Variants in MIGA1 observed in about 807,000 individuals in gnomAD.
The protein encoded by MIGA1 is family with sequence similarity 73, member A.
In MIGA1, 58 loss-of-function variants were observed where a neutral mutation model predicts 82.0. The ratio of observed to expected loss-of-function variants is 0.71; its 90% CI spans 0.57 to 0.88. MIGA1 has a LOEUF of 0.88. Ranked by LOEUF, MIGA1 falls within the 40% of genes least tolerant of loss-of-function variation. The pLI is 0.00. For missense variants in MIGA1, 751 were observed against 749.1 expected (o/e 1.00, Z -0.03); for synonymous variants, 249 against 253.6 (o/e 0.98, Z 0.17).
intron 2 of MIGA1, among the ~76,000 whole-genome samples, chr1:77,784,718 G>GC (rs1682070354): frequency 6.6e-6 from 1 of 152,150 alleles, no homozygotes; most frequent in Non-Finnish European, 1.5e-5. Flanking sequence ...CCGTTTTCAT[G>GC]CTGCTGATAA....
chr1:77,794,429 A>G (rs1682569664), intron 2 of MIGA1, among the ~76,000 whole-genome samples: 1 of 152,114 alleles, frequency 6.6e-6, no homozygotes, highest in Non-Finnish European at 1.5e-5. Context: ...CTGCTTTTGA[A>G]ATATATAGGA....
intron 14 of MIGA1, among the ~76,000 whole-genome samples, chr1:77,871,426 C>A (rs538326568): frequency 1.3e-5 from 2 of 151,472 alleles, no homozygotes; most frequent in African/African-American, 4.9e-5. Context: ...TGCTTGAACC[C>A]GGGAGGCAGA....
At chr1:77,859,429 C>T (rs746416235) in intron 10 of MIGA1, 43 bp downstream of exon 10, 4 of 1,334,396 alleles carry the variant, frequency 3.0e-6, no homozygotes, top group Non-Finnish European at 4.3e-6. Context: ...CCACTCATCC[C>T]CACCCTCATG....
chr1:77,806,183 A>G (rs1472975692), intron 4 of MIGA1, among the ~76,000 whole-genome samples: 2 of 152,214 alleles, frequency 1.3e-5, no homozygotes, highest in Non-Finnish European at 2.9e-5. Context: ...CTCCTAGGCT[A>G]CAAACCTGTA....
intron 4 of MIGA1, 150 bp downstream of exon 4, chr1:77,803,556 C>A: frequency 2.5e-6 from 1 of 397,156 alleles, no homozygotes; most frequent in Admixed American, 4.5e-5. Flanking sequence ...AGTAAAATAC[C>A]TTTTTGCTGA....
At chr1:77,847,650 G>T (rs1000611619) in intron 8 of MIGA1, 7 of 1,568,524 alleles carry the variant, frequency 4.5e-6, no homozygotes, top group Non-Finnish European at 6.1e-6. Context: ...AGCGTGTTTG[G>T]ATGTAACCAA....
chr1:77,837,331 T>C (rs1684470217), intron 7 of MIGA1, among the ~76,000 whole-genome samples: 2 of 152,230 alleles, frequency 1.3e-5, no homozygotes, highest in Admixed American at 6.5e-5. Context: ...TCTCATTTCA[T>C]GTGTTTAATA....
At chr1:77,838,784 G>A (rs979778054) in intron 7 of MIGA1, among the ~76,000 whole-genome samples, 2 of 152,134 alleles carry the variant, frequency 1.3e-5, no homozygotes, top group Non-Finnish European at 2.9e-5. Context: ...ATCACTAAGT[G>A]TGTTTAGTTT....
intron 8 of MIGA1, among the ~76,000 whole-genome samples, chr1:77,852,594 G>A (rs1488214472): frequency 6.6e-6 from 1 of 152,156 alleles, no homozygotes; most frequent in Non-Finnish European, 1.5e-5. Context: ...CTGGAATAAT[G>A]TGCCTGGGTT....
At chr1:77,846,896 G>C (rs550325484) in intron 8 of MIGA1, among the ~76,000 whole-genome samples, 49 of 152,206 alleles carry the variant, frequency 3.2e-4, no homozygotes, top group Non-Finnish European at 5.9e-5. Context: ...GCAATGAACT[G>C]AGATTGCGCC....
intron 12 of MIGA1, chr1:77,861,546 T>TC: frequency 2.2e-6 from 1 of 445,152 alleles, no homozygotes; most frequent in East Asian, 4.2e-5. Context: ...GCTCCTTGCT[T>TC]CCTTCCCTCC....
At chr1:77,869,939 A>T (rs1272526520) in intron 14 of MIGA1, among the ~76,000 whole-genome samples, 3 of 113,224 alleles carry the variant, frequency 2.6e-5, no homozygotes, top group East Asian at 2.8e-4. Flanking sequence ...TCCCTCCCGG[A>T]CGGGGCGGCT....
chr1:77,779,961 G>C (rs1681828278), intron 1 of MIGA1: 6 of 1,348,574 alleles, frequency 4.4e-6, no homozygotes, highest in Non-Finnish European at 9.5e-7. Flanking sequence ...AAGCAGGGTC[G>C]GGCCTGGTTA....
intron 7 of MIGA1, among the ~76,000 whole-genome samples, chr1:77,834,717 TAAAC>T (rs1684364889): frequency 6.6e-6 from 1 of 152,206 alleles, no homozygotes; most frequent in Non-Finnish European, 1.5e-5. Flanking sequence ...TCATACAGAA[TAAAC>T]AAAGAGCAGC....
intron 6 of MIGA1, among the ~76,000 whole-genome samples, chr1:77,814,304 A>C (rs1259114273): frequency 6.6e-6 from 1 of 152,132 alleles, no homozygotes; most frequent in Admixed American, 6.6e-5. Flanking sequence ...TTTTCTATCC[A>C]GGTAGTTGTT....
intron 5 of MIGA1, chr1:77,811,474 G>A: frequency 6.5e-7 from 1 of 1,535,274 alleles, no homozygotes; most frequent in South Asian, 1.1e-5. Context: ...TTTATTATAT[G>A]TAAGAATATT....
chr1:77,782,241 A>G (rs1394932337), intron 1 of MIGA1, among the ~76,000 whole-genome samples: 1 of 152,198 alleles, frequency 6.6e-6, no homozygotes, highest in Non-Finnish European at 1.5e-5. Context: ...TGGTAGACAT[A>G]AACATTGTGG....
chr1:77,848,705 A>G, intron 8 of MIGA1: 5 of 1,556,162 alleles, frequency 3.2e-6, no homozygotes, highest in Non-Finnish European at 4.4e-6. Context: ...GCAAAGAGGA[A>G]CAACGAAGAA....
chr1:77,784,620 T>G (rs760673172), intron 2 of MIGA1, among the ~76,000 whole-genome samples: 10 of 152,236 alleles, frequency 6.6e-5, no homozygotes, highest in Non-Finnish European at 1.5e-4. Context: ...TTCCACATAG[T>G]GCACAGTTTT....
Sources: allele counts gnomAD v4.1 joint callset (sites outside exome capture counted in the v4.1 genomes callset), GRCh38; gene constraint gnomAD v4.1.1; transcripts MANE v1.5; gene names NCBI Gene and HGNC (gene_info 2026-07-23, HGNC 2026-07-21).